CLEC12B: variants seen among roughly 807,000 people sequenced by gnomAD.
The protein encoded by CLEC12B is macrophage antigen h.
In CLEC12B, 25 loss-of-function variants were observed where a neutral mutation model predicts 36.1. That is an observed-to-expected ratio of 0.69 (90% CI 0.50 to 0.97). The LOEUF (loss-of-function observed/expected upper bound fraction) is 0.97, where lower values mean the gene tolerates loss of function less well. CLEC12B is among the 50% of genes least tolerant of loss of function. CLEC12B has a pLI of 0.00. For synonymous variants in CLEC12B, 110 were observed against 108.5 expected (o/e 1.01, Z -0.09); for missense variants, 325 against 318.4 (o/e 1.02, Z -0.16).
At chr12:10,015,490 G>A (rs1486515545) in intron 4 of CLEC12B, 84 bp downstream of exon 4, 1 of 1,554,032 alleles carries the variant, frequency 6.4e-7, no homozygotes, top group African/African-American at 1.4e-5. Flanking sequence ...TCACATGATG[G>A]AAATTCAGTG....
upstream of CLEC12B, among the ~76,000 whole-genome samples, chr12:10,008,319 T>C (rs1231307019): frequency 6.6e-6 from 1 of 152,224 alleles, no homozygotes; most frequent in Non-Finnish European, 1.5e-5. Context: ...AGCTCTAAAC[T>C]AGGATCATCT....
rs536413009 is a variant in CLEC12B at position 10,018,444 on chromosome 12, A to T, written c.794A>T (p.Lys265Met). ...CSAEIFWICE[K>M]TAAPVKTEDL... ...GCTGAAATTTTTTGGATTTGCGAGA[A>T]GACAGCTGCCCCAGTGAAGACTGAG... The change falls in exon 6 of 6, where the codon AAG becomes ATG. Residue 265 changes from lysine to methionine, a missense_variant. Coordinates refer to ENST00000338896, the MANE Select transcript of CLEC12B (RefSeq NM_001129998.3). 8.8e-5 allele frequency: 136 copies of T among 1,551,002 alleles called. No homozygotes were observed. The African/African-American group carries it at 1.4e-3, about 16-fold the overall frequency.
chr12:10,009,616 A>G (rs1372013066), upstream of CLEC12B, among the ~76,000 whole-genome samples: 4 of 151,436 alleles, frequency 2.6e-5, no homozygotes, highest in Non-Finnish European at 5.9e-5. Context: ...TTAGGTGTTT[A>G]GAGATCATGC....
chr12:10,015,582 G>A (rs370778199), intron 4 of CLEC12B, 30 bp from the exon 5 acceptor site: 119 of 1,612,782 alleles, frequency 7.4e-5, no homozygotes, highest in African/African-American at 1.9e-4. Context: ...TGGCGCTCAC[G>A]TAAAACTTTT....
chr12:10,006,356 A>T (rs536342550), upstream of CLEC12B, among the ~76,000 whole-genome samples: 10 of 152,244 alleles, frequency 6.6e-5, no homozygotes, highest in Admixed American at 2.6e-4. Flanking sequence ...TTTGGACATT[A>T]TCAATGTATG....
upstream of CLEC12B, among the ~76,000 whole-genome samples, chr12:10,007,016 C>T (rs561274749): frequency 3.3e-5 from 5 of 151,526 alleles, no homozygotes; most frequent in East Asian, 5.8e-4. Flanking sequence ...GATCGCGCCA[C>T]TGCACTCCAG....
upstream of CLEC12B, among the ~76,000 whole-genome samples, chr12:10,006,821 C>T (rs550227647): frequency 1.3e-5 from 2 of 151,944 alleles, no homozygotes; most frequent in Non-Finnish European, 2.9e-5. Context: ...TTTGGGAGGC[C>T]GAGGGGGACA....
At chr12:10,016,609 A>T (rs1023080041) in intron 5 of CLEC12B, 1 of 260,964 alleles carries the variant, frequency 3.8e-6, no homozygotes, top group Non-Finnish European at 6.0e-6. Flanking sequence ...AAAATTTAAG[A>T]TCTTTGGCAT....
chr12:10,006,329 G>A (rs1267696655), upstream of CLEC12B, among the ~76,000 whole-genome samples: 3 of 152,118 alleles, frequency 2.0e-5, no homozygotes, highest in African/African-American at 7.2e-5. Context: ...TCAAGCGCTG[G>A]TATGGAGATA....
chr12:10,015,453 G>A (rs750130486), intron 4 of CLEC12B, 47 bp downstream of exon 4: 2 of 1,577,914 alleles, frequency 1.3e-6, no homozygotes, highest in Admixed American at 1.8e-5. Context: ...TCCATACAAT[G>A]AGAGAGAAAT....
chr12:10,007,421 A>G (rs1441977402), upstream of CLEC12B, among the ~76,000 whole-genome samples: 3 of 152,340 alleles, frequency 2.0e-5, no homozygotes, highest in Middle Eastern at 3.4e-3. Flanking sequence ...GATGAGTAGT[A>G]CAATTCAACC....
rs770500701 is a variant in CLEC12B, at chr12:10,018,439, C to T, written c.789C>T (p.Cys263=). Residue 263 remains cysteine (C), a synonymous_variant, in exon 6 of 6, where the codon TGC becomes TGT. Transcript: ENST00000338896. ...SRCSAEIFWI[C]EKTAAPVKTE... Reference sequence around the variant, plus strand: ...GTAGTGCTGAAATTTTTTGGATTTGCGAGAAGACAGCTGCCCCAGTGAAGA... The same window carrying T: ...GTAGTGCTGAAATTTTTTGGATTTGTGAGAAGACAGCTGCCCCAGTGAAGA... 1.4e-5 allele frequency: 22 copies of T among 1,550,404 alleles called. No individual in the cohort carries two copies. Among genetic ancestry groups the T allele is most frequent in the South Asian group, 8.3e-5 (7 of 83,854 alleles).
intron 1 of CLEC12B, 118 bp from the exon 2 acceptor site, chr12:10,012,667 A>T (rs1731619269): frequency 2.8e-6 from 2 of 706,672 alleles, no homozygotes. Flanking sequence ...AGGGCATTAA[A>T]GAAGCAAGAA....
Position 10,018,512 on chromosome 12 carries a change from G to A in CLEC12B, c.*31G>A, listed in dbSNP as rs77423772. The A allele has an allele frequency of 0.032, 48,291 of 1,533,006 alleles. 898 individuals carry two copies. The highest frequency in any genetic ancestry group is 0.036 in the Non-Finnish European group (41,158 of 1,136,096). 95.0% of individuals were successfully genotyped at this position (1,533,006 alleles called of 1,614,324 possible). A position where few individuals can be genotyped will look rare whatever the true frequency, so the allele number is the denominator to read the frequency against. ...TTCTTCCAAATTCTCCAAGAAGTAA[G>A]AGACTTGTGAGTAAGCTCATATGAG... On this transcript the variant is annotated 3_prime_UTR_variant, in exon 6 of 6. Coordinates refer to ENST00000338896, the MANE Select transcript of CLEC12B (RefSeq NM_001129998.3).
At chr12:10,009,568 AAAAAAAC>A (rs1227090337), upstream of CLEC12B, among the ~76,000 whole-genome samples, 4 of 151,610 alleles carry the variant, frequency 2.6e-5, no homozygotes, top group Non-Finnish European at 4.4e-5. Flanking sequence ...TTTGAAAAAA[AAAAAAAC>A]AAAAAACATG....
intron 2 of CLEC12B, among the ~76,000 whole-genome samples, chr12:10,014,206 A>C (rs1865413315): frequency 6.6e-6 from 1 of 152,236 alleles, no homozygotes; most frequent in Non-Finnish European, 1.5e-5. Flanking sequence ...ATCTCCAAAT[A>C]AAATAAAACA....
At chr12:10,008,487 G>A (rs1368348291), upstream of CLEC12B, among the ~76,000 whole-genome samples, 1 of 152,082 alleles carries the variant, frequency 6.6e-6, no homozygotes, top group Non-Finnish European at 1.5e-5. Flanking sequence ...AGATCAATAA[G>A]ATTTAAGATA....
intron 5 of CLEC12B, 131 bp downstream of exon 5, chr12:10,015,858 A>G: frequency 6.7e-7 from 1 of 1,497,288 alleles, no homozygotes; most frequent in Non-Finnish European, 8.9e-7. Flanking sequence ...AGCTCCAGTA[A>G]CAAATATTGA....
chr12:10,010,564 G>C, upstream of CLEC12B: 1 of 462,474 alleles, frequency 2.2e-6, no homozygotes. Context: ...TATCTCTAAG[G>C]AGAATATTTG....
Sources: gnomAD v4.1 joint callset for allele counts (sites outside exome capture counted in the v4.1 genomes callset) on GRCh38, gnomAD v4.1.1 for gene constraint, MANE v1.5 for transcripts, NCBI Gene and HGNC (gene_info 2026-07-23, HGNC 2026-07-21) for gene names.